PPIG: variants seen among roughly 807,000 people sequenced by gnomAD.
PPIG encodes peptidyl-prolyl cis-trans isomerase G.
In PPIG, 26 loss-of-function variants were observed where a neutral mutation model predicts 87.9. That is an observed-to-expected ratio of 0.30 (90% confidence interval 0.22 to 0.41). The LOEUF (loss-of-function observed/expected upper bound fraction) is 0.41. Among genes scored for constraint, PPIG ranks in the 10% least tolerant of loss-of-function variants. PPIG has a pLI of 1.00. For synonymous variants in PPIG, 308 were observed against 276.5 expected (o/e 1.11, Z -1.13); for missense variants, 722 against 879.4 (o/e 0.82, Z 2.26).
chr2:169,621,998 G>T (rs1266702257), intron 9 of PPIG, among the ~76,000 whole-genome samples: 2 of 151,790 alleles, frequency 1.3e-5, no homozygotes, highest in East Asian at 3.9e-4. Flanking sequence ...GAGGCAGGAG[G>T]ATCACTTGAG....
At chr2:169,585,481 G>C (rs1181601992) in intron 1 of PPIG, among the ~76,000 whole-genome samples, 3 of 151,806 alleles carry the variant, frequency 2.0e-5, no homozygotes, top group African/African-American at 7.3e-5. Flanking sequence ...CAGGATGGTC[G>C]ATCTCCTGAC....
At chr2:169,634,383 T>C (rs1318225238) in intron 12 of PPIG, among the ~76,000 whole-genome samples, 1 of 152,132 alleles carries the variant, frequency 6.6e-6, no homozygotes, top group African/African-American at 2.4e-5. Flanking sequence ...CTTTAAATAC[T>C]GTAGTACCTC....
At chr2:169,622,304 T>G (rs1473366160) in intron 9 of PPIG, among the ~76,000 whole-genome samples, 1 of 152,164 alleles carries the variant, frequency 6.6e-6, no homozygotes, top group Non-Finnish European at 1.5e-5. Flanking sequence ...TAAACAGTAA[T>G]CATAGACTCT....
Position 169,636,133 on chromosome 2 carries a change from C to T in PPIG, c.1059C>T (p.Phe353=). The change falls in exon 13 of 14, where the codon TTC becomes TTT. Residue 353 remains phenylalanine (F), a synonymous_variant. Coordinates refer to ENST00000260970, the MANE Select transcript of PPIG (RefSeq NM_004792.3). Reference sequence around the variant, plus strand: ...CCAGATCCAGATCAAGGGATCGTTTCAGACGTAGTGAGACTCCTCCACATT... The same window carrying T: ...CCAGATCCAGATCAAGGGATCGTTTTAGACGTAGTGAGACTCCTCCACATT... The part of the protein sequence containing the change: ...TPSRSRSRDR[F]RRSETPPHWR... 1 of 1,610,426 alleles carries T rather than the reference C, an allele frequency of 6.2e-7. No homozygotes were observed. The highest frequency in any genetic ancestry group is 8.5e-7 in the Non-Finnish European group (1 of 1,178,672).
intron 1 of PPIG, among the ~76,000 whole-genome samples, chr2:169,586,338 T>C (rs1012168431): frequency 3.3e-5 from 5 of 152,168 alleles, no homozygotes; most frequent in Admixed American, 2.6e-4. Flanking sequence ...TTAGAAAAAT[T>C]TGGACTTTCT....
At chr2:169,614,098 A>T (rs1448261454) in intron 7 of PPIG, among the ~76,000 whole-genome samples, 1 of 152,248 alleles carries the variant, frequency 6.6e-6, no homozygotes, top group Non-Finnish European at 1.5e-5. Context: ...GAATTGTTTC[A>T]TAAATTTTGA....
chr2:169,590,559 G>A (rs796661392), intron 1 of PPIG, among the ~76,000 whole-genome samples: 3 of 150,670 alleles, frequency 2.0e-5, no homozygotes, highest in African/African-American at 4.9e-5. Context: ...GAAGAATGGC[G>A]TGAACCCGGG....
At chr2:169,599,525 A>G (rs1475694532) in intron 1 of PPIG, among the ~76,000 whole-genome samples, 3 of 152,346 alleles carry the variant, frequency 2.0e-5, no homozygotes, top group East Asian at 1.9e-4. Flanking sequence ...ATTCCAGTAC[A>G]TAGAATTAGT....
intron 7 of PPIG, among the ~76,000 whole-genome samples, chr2:169,612,541 G>C (rs1420435682): frequency 2.6e-5 from 4 of 151,880 alleles, no homozygotes; most frequent in Non-Finnish European, 5.9e-5. Context: ...CTGTCACCAC[G>C]CCTGGCTAAT....
intron 9 of PPIG, among the ~76,000 whole-genome samples, chr2:169,619,891 A>G (rs1685697655): frequency 6.6e-6 from 1 of 152,074 alleles, no homozygotes; most frequent in Non-Finnish European, 1.5e-5. Context: ...CGTTTGAGAA[A>G]TATCTCTTCA....
At chr2:169,610,845 G>A (rs990984182) in intron 7 of PPIG, among the ~76,000 whole-genome samples, 2 of 152,100 alleles carry the variant, frequency 1.3e-5, no homozygotes, top group African/African-American at 4.8e-5. Flanking sequence ...GTACTCTATT[G>A]TTTGTGTATA....
chr2:169,595,135 C>G (rs1478217790), intron 1 of PPIG, among the ~76,000 whole-genome samples: 1 of 152,088 alleles, frequency 6.6e-6, no homozygotes, highest in Non-Finnish European at 1.5e-5. Flanking sequence ...GCCATGTTGG[C>G]CAGGCTGTTC....
rs1686220243 is a variant in PPIG at position 169,637,672 on chromosome 2, T to A, written c.*149T>A. 2.5e-6 allele frequency: 2 copies of A among 796,078 alleles called. No individual in the cohort carries two copies. Among genetic ancestry groups the A allele is most frequent in the Non-Finnish European group, 3.7e-6 (2 of 537,916 alleles). 49.3% of individuals were successfully genotyped at this position (796,078 alleles called of 1,614,324 possible). On this transcript the variant is annotated 3_prime_UTR_variant, in exon 14 of 14. Coordinates refer to ENST00000260970, the MANE Select transcript of PPIG (RefSeq NM_004792.3). The stretch of plus-strand genomic sequence containing the variant: ...TTTCTTAATGTGGATTTCATTGAGT[T>A]GATTTTTTGATAATCTGCAATCTGG...
At chr2:169,630,544 C>T (rs988495673) in intron 9 of PPIG, among the ~76,000 whole-genome samples, 3 of 152,104 alleles carry the variant, frequency 2.0e-5, no homozygotes, top group Non-Finnish European at 4.4e-5. Context: ...TTTAGACTCA[C>T]CTATTTTTTA....
intron 7 of PPIG, 27 bp from the exon 8 acceptor site, chr2:169,614,437 A>G (rs565834242): frequency 6.6e-7 from 1 of 1,521,878 alleles, no homozygotes; most frequent in South Asian, 1.2e-5. Flanking sequence ...CTTTGTTTTT[A>G]TTCTTCTATC....
intron 7 of PPIG, among the ~76,000 whole-genome samples, chr2:169,609,081 C>CAA (rs577846491): frequency 7.9e-4 from 84 of 105,812 alleles, no homozygotes; most frequent in Admixed American, 3.1e-3. Context: ...AAGACTGTCT[C>CAA]AAAAAAAAAA....
intron 4 of PPIG, among the ~76,000 whole-genome samples, chr2:169,605,702 G>A (rs1685307301): frequency 6.6e-6 from 1 of 151,966 alleles, no homozygotes; most frequent in Admixed American, 6.6e-5. Flanking sequence ...AGGAGGCTGA[G>A]GCAGGAGAAT....
intron 2 of PPIG, 91 bp downstream of exon 2, chr2:169,603,785 G>T: frequency 2.1e-6 from 1 of 480,092 alleles, no homozygotes; most frequent in Non-Finnish European, 3.7e-6. Context: ...TAAATAGAAA[G>T]TTGATTACAT....
In PPIG at chr2:169,600,161, G is replaced by A. The variant is rs1685140309; in HGVS notation, c.-69-3481G>A. Reference sequence around the variant, plus strand: ...TTGATCTTGGCTCACTGCAACCTCCGCCTCCCTGGCTCAAGTGATCTTTCC... The same window carrying A: ...TTGATCTTGGCTCACTGCAACCTCCACCTCCCTGGCTCAAGTGATCTTTCC... On this transcript the variant is annotated intron_variant, in intron 1 of 13. Transcript: ENST00000260970. Among the ~76,000 whole-genome samples the A allele has an allele frequency of 2.7e-5, 4 of 150,620 alleles. No homozygotes were observed. The South Asian group carries it at 8.4e-4, about 32-fold the overall frequency.
Sources: allele counts gnomAD v4.1 joint callset (sites outside exome capture counted in the v4.1 genomes callset), GRCh38; gene constraint gnomAD v4.1.1; transcripts MANE v1.5; gene names NCBI Gene and HGNC (gene_info 2026-07-23, HGNC 2026-07-21).